LILRB2: variants seen among roughly 807,000 people sequenced by gnomAD.
The protein encoded by LILRB2 is leukocyte immunoglobulin-like receptor subfamily B member 2.
A neutral mutation model predicts 72.7 loss-of-function variants in LILRB2; 47 were observed. The observed-to-expected ratio is 0.65, with a 90% CI of 0.51 to 0.82. The LOEUF is 0.82. Ranked by LOEUF, LILRB2 falls within the 40% of genes least tolerant of loss-of-function variation. LILRB2 has a pLI of 0.00. For synonymous variants in LILRB2, 279 were observed against 313.7 expected (o/e 0.89, Z 1.17); for missense variants, 767 against 764.8 (o/e 1.00, Z -0.03).
rs926167626 is a variant in LILRB2, at chr19:54,277,898, A to G, written c.1300T>C (p.Ser434Pro). 1 of 1,547,344 alleles carries G rather than the reference A, an allele frequency of 6.5e-7. No individual in the cohort carries two copies. The highest frequency in any genetic ancestry group is 8.7e-7 in the Non-Finnish European group (1 of 1,144,660). Residue 434 changes from serine to proline, a missense_variant, in exon 8 of 14, where the codon TCC (serine) becomes CCC (proline). By Grantham distance (74) the Ser-to-Pro change is moderately conservative. Coordinates refer to ENST00000314446, the MANE Select transcript of LILRB2 (RefSeq NM_001080978.4). The part of the protein sequence containing the change: ...GSSPPPTGPI[S>P]TPGPEDQPLT... The stretch of plus-strand genomic sequence containing the variant: ...GGCCTCAGGGACTCACCAGGTGTGG[A>G]GATGGGACCGGTGGGTGGGGGGCTG...
chr19:54,279,250 C>G, intron 5 of LILRB2, 95 bp downstream of exon 5: 1 of 1,540,282 alleles, frequency 6.5e-7, no homozygotes, highest in Non-Finnish European at 8.8e-7. Context: ...CCAACATCAT[C>G]CCACCTGGAA....
chr19:54,281,015 G>T lies in LILRB2; in HGVS notation c.-103C>A, dbSNP rs551649067. 4.9e-5 allele frequency: 45 copies of T among 913,926 alleles called. No homozygotes were observed. In the East Asian group the frequency reaches 2.4e-3, roughly 48 times the overall value. The allele number at this position is 913,926 out of a possible 1,614,324, so 56.6% of individuals were successfully genotyped here. On this transcript the variant is annotated 5_prime_UTR_variant, in exon 1 of 14. Transcript: ENST00000314446. ...TGCTTCAGGGAAGACCCAGGTCCAT[G>T]CTGCAGGCAGACTCAGATCAGCAGA...
rs2080343366 is a variant in LILRB2, at chr19:54,278,287, T to A, written c.1231A>T (p.Ser411Cys). The A allele has an allele frequency of 1.2e-6, 2 of 1,614,046 alleles. No homozygotes were observed. The highest frequency in any genetic ancestry group is 1.7e-6 in the Non-Finnish European group (2 of 1,179,992). Residue 411 changes from serine (S) to cysteine (C), a missense_variant, in exon 7 of 14, where the codon AGT becomes TGT. This residue lies in a region of LILRB2 where 599 missense variants were observed against 568.2 expected (regional missense o/e 1.05). Coordinates refer to ENST00000314446, the MANE Select transcript of LILRB2 (RefSeq NM_001080978.4). ...GAGACCACGAGCTCCAGGGGCTCAC[T>A]GGGGTGAGACAGCAGGTAGGGGTCG... Reference protein sequence around the residue: ...NSDPYLLSHPSEPLELVVSGP... With the variant: ...NSDPYLLSHPCEPLELVVSGP...
chr19:54,280,236 G>A (rs2080486046), intron 3 of LILRB2, 28 bp downstream of exon 3: 3 of 1,613,636 alleles, frequency 1.9e-6, no homozygotes, highest in Non-Finnish European at 2.5e-6. Flanking sequence ...GAGGAGGAGG[G>A]ACCTGGGAGA....
intron 8 of LILRB2, 39 bp downstream of exon 8, chr19:54,277,850 C>T (rs374155914): frequency 1.7e-5 from 25 of 1,502,912 alleles, no homozygotes; most frequent in African/African-American, 1.3e-4. Flanking sequence ...CCCTGGGGGT[C>T]GCTGCGCTCC....
chr19:54,280,561 A>T lies in LILRB2; in HGVS notation c.-48-17T>A. On this transcript the variant is annotated splice_polypyrimidine_tract_variant and intron_variant, in intron 1 of 13. Transcript: ENST00000314446. ...CCCTCGGTGCTGGCGGGACAGAGAC[A>T]CACAGAGAGAAATAGCCTCCCCTCC... The T allele has an allele frequency of 6.2e-7, 1 of 1,612,856 alleles. No homozygotes were observed. Among genetic ancestry groups the T allele is most frequent in the East Asian group, 2.2e-5 (1 of 44,852 alleles).
At chr19:54,274,856 G>A in intron 13 of LILRB2, 27 bp from the exon 14 acceptor site, 1 of 1,611,584 alleles carries the variant, frequency 6.2e-7, no homozygotes, top group East Asian at 2.2e-5. Context: ...TGAGAGGTAA[G>A]GAACGTGGTG....
At chr19:54,278,102 G>C (rs771634987) in intron 7 of LILRB2, 158 bp downstream of exon 7, 19 of 1,175,208 alleles carry the variant, frequency 1.6e-5, no homozygotes, top group Non-Finnish European at 2.1e-5. Flanking sequence ...GCGCAGGCCT[G>C]GGAGGGCCTG....
intron 8 of LILRB2, 37 bp downstream of exon 8, chr19:54,277,852 C>A (rs1269755443): frequency 6.6e-7 from 1 of 1,516,784 alleles, no homozygotes. Flanking sequence ...CTGGGGGTCG[C>A]TGCGCTCCCT....
intron 13 of LILRB2, 117 bp from the exon 14 acceptor site, chr19:54,274,946 C>A (rs1417054164): frequency 1.6e-5 from 25 of 1,610,520 alleles, no homozygotes; most frequent in Non-Finnish European, 2.0e-5. Flanking sequence ...GCCTGTCTGT[C>A]CTTTGTGTCC....
chr19:54,275,910 C>A, intron 13 of LILRB2, 41 bp downstream of exon 13: 1 of 1,609,930 alleles, frequency 6.2e-7, no homozygotes, highest in Non-Finnish European at 8.5e-7. Flanking sequence ...AGATCTGGCA[C>A]CAGGAGGCCT....
At chr19:54,275,467 G>A in intron 13 of LILRB2, 1 of 522,376 alleles carries the variant, frequency 1.9e-6, no homozygotes, top group Non-Finnish European at 3.8e-6. Flanking sequence ...CCTTTCCCTG[G>A]TGTATGTTCC....
intron 12 of LILRB2, 94 bp from the exon 13 acceptor site, chr19:54,276,097 T>G (rs2147754895): frequency 1.3e-6 from 2 of 1,569,486 alleles, no homozygotes; most frequent in South Asian, 2.3e-5. Flanking sequence ...ATGGGGCTAC[T>G]GAGATGCAGG....
In LILRB2 at chr19:54,280,015, G is replaced by T. The variant is rs1230464892; in HGVS notation, c.131C>A (p.Pro44His). 3 of 1,614,080 alleles carry T rather than the reference G, an allele frequency of 1.9e-6. No individual in the cohort carries two copies. Among genetic ancestry groups the T allele is most frequent in the Non-Finnish European group, 2.5e-6 (3 of 1,179,982 alleles). ...GCTCCCCTGACAACTGAGGGTGACG[G>T]GACTCCCCTGGGTGATCACAGAGTC... ...EPDSVITQGS[P>H]VTLSCQGSLE... Residue 44 changes from proline to histidine, a missense_variant, in exon 4 of 14, where the codon CCC becomes CAC. Transcript: ENST00000314446.
In LILRB2 at chr19:54,281,013, A is replaced by T; in HGVS notation, c.-101T>A. On this transcript the variant is annotated 5_prime_UTR_variant, in exon 1 of 14. An upstream start codon of the reference 5' UTR is lost. Transcript: ENST00000314446. The stretch of plus-strand genomic sequence containing the variant: ...GATGCTTCAGGGAAGACCCAGGTCC[A>T]TGCTGCAGGCAGACTCAGATCAGCA... 4.2e-6 allele frequency: 4 copies of T among 946,830 alleles called. No individual in the cohort carries two copies. The allele number at this position is 946,830 out of a possible 1,614,324, so 58.7% of individuals were successfully genotyped here.
chr19:54,278,164 G>C, intron 7 of LILRB2, 96 bp downstream of exon 7: 1 of 1,520,504 alleles, frequency 6.6e-7, no homozygotes, highest in Non-Finnish European at 8.9e-7. Flanking sequence ...GCCCCGCTCA[G>C]ACCCCCGCTC....
chr19:54,280,650 A>G (rs2080508193), intron 1 of LILRB2, 106 bp from the exon 2 acceptor site: 14 of 1,479,346 alleles, frequency 9.5e-6, no homozygotes, highest in Non-Finnish European at 1.3e-5. Flanking sequence ...ATCTGCAGCC[A>G]CACAAGAAGC....
chr19:54,279,142 A>C, intron 5 of LILRB2, 34 bp from the exon 6 acceptor site: 1 of 1,594,184 alleles, frequency 6.3e-7, no homozygotes. Context: ...CCAGGAGCCG[A>C]CCCTCAGGCT....
Position 54,280,054 on chromosome 19 carries a change from A to C in LILRB2, c.92T>G (p.Leu31Arg). Residue 31 changes from leucine (L) to arginine (R), a missense_variant, in exon 4 of 14, where the codon CTG becomes CGG. Physicochemically the swap from Leu to Arg is moderately radical, Grantham distance 102. Around this residue, in one of 3 missense-constraint regions of LILRB2, gnomAD observed 599 missense variants for 568.2 expected, o/e 1.05. Transcript: ENST00000314446. ...GATCACAGAGTCTGGCTCAGCCCACAGGGTGGGCTTGGGGATGGTCCCTGG... is the reference window on the plus strand; with the variant it reads ...GATCACAGAGTCTGGCTCAGCCCACCGGGTGGGCTTGGGGATGGTCCCTGG... ...VQTGTIPKPT[L>R]WAEPDSVITQ... The C allele has an allele frequency of 6.2e-7, 1 of 1,613,922 alleles. No homozygotes were observed. Among genetic ancestry groups the C allele is most frequent in the South Asian group, 1.1e-5 (1 of 91,074 alleles).
Sources: gnomAD v4.1 joint callset for allele counts on GRCh38, gnomAD v4.1.1 for gene constraint, gnomAD v4.1.1 regional missense constraint, MANE v1.5 for transcripts, NCBI Gene and HGNC (gene_info 2026-07-23, HGNC 2026-07-21) for gene names.